The following DIS3L2 variants were observed in gnomAD, a reference collection of about 807,000 sequenced individuals.
DIS3L2 encodes DIS3 like 3'-5' exoribonuclease 2.
DIS3L2 carries 34 observed loss-of-function variants against 97.5 expected under a neutral mutation model. The ratio of observed to expected loss-of-function variants is 0.35; its 90% confidence interval spans 0.27 to 0.46. The LOEUF is 0.46. Among genes scored for constraint, DIS3L2 ranks in the 20% least tolerant of loss-of-function variants. DIS3L2 has a pLI of 1.00. For missense variants in DIS3L2, 1,038 were observed against 1,146.0 expected (o/e 0.91, Z 1.36); for synonymous variants, 435 against 445.2 (o/e 0.98, Z 0.29).
intron 14 of DIS3L2, among the ~76,000 whole-genome samples, chr2:232,305,411 T>C (rs1694961811): frequency 6.6e-6 from 1 of 152,130 alleles, no homozygotes; most frequent in Non-Finnish European, 1.5e-5. Flanking sequence ...TTTTCAGAAG[T>C]TCTGTTTGGT....
At chr2:232,078,336 G>A (rs953167923) in intron 5 of DIS3L2, among the ~76,000 whole-genome samples, 3 of 152,048 alleles carry the variant, frequency 2.0e-5, no homozygotes, top group African/African-American at 4.8e-5. Flanking sequence ...GAGCCACCTC[G>A]CCCAGCCTAG....
chr2:232,078,552 G>T (rs1426705865), intron 5 of DIS3L2, among the ~76,000 whole-genome samples: 1 of 152,166 alleles, frequency 6.6e-6, no homozygotes, highest in African/African-American at 2.4e-5. Flanking sequence ...TGGGCTACTA[G>T]TTTCTAACCC....
chr2:232,073,882 C>T (rs1696108617), intron 5 of DIS3L2, among the ~76,000 whole-genome samples: 1 of 152,202 alleles, frequency 6.6e-6, no homozygotes, highest in African/African-American at 2.4e-5. Context: ...ACTGATCTAA[C>T]TTACTACACA....
At position 232,293,399 on chromosome 2, in the gene DIS3L2, C is replaced by G. The variant is rs1694649602; in HGVS notation, c.1660-6641C>G. Among the ~76,000 whole-genome samples the G allele has an allele frequency of 6.6e-6, 1 of 152,202 alleles. No individual in the cohort carries two copies. Among genetic ancestry groups the G allele is most frequent in the Non-Finnish European group, 1.5e-5 (1 of 68,040 alleles). ...CCTGGTGAAGCCACCCTTGGATTCT[C>G]TGGGGGAAATACCTCTGGCATTCCA... On this transcript the variant is annotated intron_variant, in intron 13 of 20. Coordinates refer to ENST00000325385, the MANE Select transcript of DIS3L2 (RefSeq NM_152383.5). This position sits in a 1 kb window ranked among gnomAD's most constrained non-coding sequence, Gnocchi z 4.6.
rs149780581 is a variant in DIS3L2 at position 232,061,442 on chromosome 2, G to T, written c.367-26045G>T. On this transcript the variant is annotated intron_variant, in intron 5 of 20. Coordinates refer to ENST00000325385, the MANE Select transcript of DIS3L2 (RefSeq NM_152383.5). Reference sequence around the variant, plus strand: ...AACTTTCTTCCCAAATCTTTGGGCAGGTCTTAGCTTGAAAAGATCAACCAC... The same window carrying T: ...AACTTTCTTCCCAAATCTTTGGGCATGTCTTAGCTTGAAAAGATCAACCAC... Among the ~76,000 whole-genome samples the T allele has an allele frequency of 2.0e-5, 3 of 152,318 alleles. No homozygotes were observed. The East Asian group carries it at 5.8e-4, about 29-fold the overall frequency.
At chr2:232,003,331 G>A (rs989695000) in intron 1 of DIS3L2, among the ~76,000 whole-genome samples, 3 of 151,996 alleles carry the variant, frequency 2.0e-5, no homozygotes, top group African/African-American at 7.3e-5. Context: ...AGTTTATTGT[G>A]TCATTTTGGT....
At position 232,281,551 on chromosome 2, in the gene DIS3L2, A is replaced by G. The variant is rs190193258; in HGVS notation, c.1659+18111A>G. Among the ~76,000 whole-genome samples, 31 of 152,326 alleles carry G rather than the reference A, an allele frequency of 2.0e-4. No homozygotes were observed. The highest frequency in any genetic ancestry group is 7.5e-4 in the African/African-American group (31 of 41,574). ...TGAGTTGGAAGGGGTCAAGGTGTAG[A>G]CATCAAGGAAGCCAGTTAGATGGCT... On this transcript the variant is annotated intron_variant, in intron 13 of 20. Coordinates refer to ENST00000325385, the MANE Select transcript of DIS3L2 (RefSeq NM_152383.5). The surrounding 1 kb of genome is among the most constrained non-coding windows in gnomAD (Gnocchi z 4.1).
At chr2:232,327,872 C>T (rs1432162399) in intron 14 of DIS3L2, among the ~76,000 whole-genome samples, 1 of 152,200 alleles carries the variant, frequency 6.6e-6, no homozygotes, top group African/African-American at 2.4e-5. Context: ...CAGTGCAGAA[C>T]CTGTTTTCTC....
chr2:232,093,539 CTT>C (rs1296592195), intron 6 of DIS3L2, among the ~76,000 whole-genome samples: 5 of 152,008 alleles, frequency 3.3e-5, no homozygotes, highest in African/African-American at 1.2e-4. Flanking sequence ...TGTAGGAAGA[CTT>C]TTTATTACAG....
chr2:232,335,908 C>T (rs1045811112), intron 20 of DIS3L2, 34 bp downstream of exon 20: 3 of 1,549,384 alleles, frequency 1.9e-6, no homozygotes, highest in Non-Finnish European at 2.6e-6. Flanking sequence ...CCCCCTAAGT[C>T]CTGATGACCC....
intron 10 of DIS3L2, among the ~76,000 whole-genome samples, chr2:232,213,661 GTTTTTTTTTTT>G (rs67846645): frequency 6.2e-5 from 5 of 80,740 alleles, no homozygotes; most frequent in African/African-American, 1.9e-4. Flanking sequence ...ATCATCTGTA[GTTTTTTTTTTT>G]TTTTTTTTTT....
At chr2:232,249,748 A>G (rs537887488) in intron 12 of DIS3L2, among the ~76,000 whole-genome samples, 319 of 152,360 alleles carry the variant, frequency 2.1e-3, no homozygotes, top group Non-Finnish European at 3.1e-3. Context: ...GGAAGTTTAC[A>G]TAGGTGGGGT....
chr2:232,300,230 A>G, intron 14 of DIS3L2, 111 bp downstream of exon 14: 1 of 921,822 alleles, frequency 1.1e-6, no homozygotes, highest in South Asian at 1.4e-5. Context: ...AAGGGAATAC[A>G]CCTTTTACTA....
intron 1 of DIS3L2, among the ~76,000 whole-genome samples, chr2:231,993,900 T>C (rs1450361762): frequency 6.6e-6 from 1 of 152,014 alleles, no homozygotes; most frequent in East Asian, 1.9e-4. Flanking sequence ...CAATTTATCT[T>C]TTTTTTCCTT....
At chr2:231,981,730 T>C (rs1340192998) in intron 1 of DIS3L2, among the ~76,000 whole-genome samples, 1 of 150,038 alleles carries the variant, frequency 6.7e-6, no homozygotes, top group Non-Finnish European at 1.5e-5. Flanking sequence ...TCCTTTTTTT[T>C]AGATGTTTAA....
intron 8 of DIS3L2, among the ~76,000 whole-genome samples, chr2:232,158,263 A>C (rs1416785233): frequency 2.6e-5 from 4 of 151,964 alleles, no homozygotes; most frequent in African/African-American, 9.7e-5. Context: ...AGTTGGAACT[A>C]GGCATTCAAG....
intron 7 of DIS3L2, among the ~76,000 whole-genome samples, chr2:232,133,754 G>T (rs191959534): frequency 1.2e-4 from 18 of 152,046 alleles, no homozygotes; most frequent in Non-Finnish European, 1.6e-4. Context: ...GGAGGCCAAG[G>T]TGGGCAGATC....
rs190310949 is a variant in DIS3L2 at position 232,307,808 on chromosome 2, C to A, written c.1739+7689C>A. The A allele has an allele frequency of 6.3e-4, 96 of 152,284 alleles. 1 individual carries two copies. The East Asian group carries it at 0.011, about 17-fold the overall frequency. 9.4% of individuals were successfully genotyped at this position (152,284 alleles called of 1,614,324 possible). ...AGAGTCTGAGAGGTTTTATTATTTT[C>A]ACAATTGTACAGAATAAAAAATAAA... On this transcript the variant is annotated intron_variant, in intron 14 of 20. Coordinates refer to ENST00000325385, the MANE Select transcript of DIS3L2 (RefSeq NM_152383.5).
At chr2:232,341,708 C>T (rs1158245886), downstream of DIS3L2, among the ~76,000 whole-genome samples, 1 of 152,176 alleles carries the variant, frequency 6.6e-6, no homozygotes, top group African/African-American at 2.4e-5. Flanking sequence ...TCTCTTTCCG[C>T]CTCTTCAATC....
Sources: gnomAD v4.1 joint callset for allele counts (sites outside exome capture counted in the v4.1 genomes callset) on GRCh38, gnomAD v4.1.1 for gene constraint, Gnocchi (gnomAD v3.1) non-coding constraint, MANE v1.5 for transcripts, NCBI Gene and HGNC (gene_info 2026-07-23, HGNC 2026-07-21) for gene names.